Variants in LRRK2 observed in about 807,000 individuals in gnomAD.
The protein encoded by LRRK2 is leucine-rich repeat serine/threonine-protein kinase 2.
LRRK2 carries 203 observed loss-of-function variants against 302.6 expected under a neutral mutation model. That is an observed-to-expected ratio of 0.67 (90% CI 0.60 to 0.75). The LOEUF (loss-of-function observed/expected upper bound fraction) is 0.75, where lower values mean the gene tolerates loss of function less well. Among genes scored for constraint, LRRK2 ranks in the 30% least tolerant of loss-of-function variants. LRRK2 has a pLI of 0.00. For synonymous variants in LRRK2, 1,066 were observed against 1,031.9 expected, an observed-to-expected ratio of 1.03 and a Z score of -0.63; for missense variants, 2,830 against 2,951.0, an observed-to-expected ratio of 0.96 and a Z score of 0.95.
chr12:40,296,917 A>T (rs938579522), intron 23 of LRRK2, among the ~76,000 whole-genome samples: 4 of 151,692 alleles, frequency 2.6e-5, no homozygotes, highest in African/African-American at 9.7e-5. Flanking sequence ...TCACTTCATC[A>T]CTCTCTGCTT....
chr12:40,229,510 A>G (rs999567557), intron 2 of LRRK2, among the ~76,000 whole-genome samples: 1 of 152,152 alleles, frequency 6.6e-6, no homozygotes, highest in Admixed American at 6.5e-5. Context: ...CTATCTTTTC[A>G]CTGTGCTCCT....
At chr12:40,346,651 C>A in intron 41 of LRRK2, 102 bp from the exon 42 acceptor site, 1 of 1,073,064 alleles carries the variant, frequency 9.3e-7, no homozygotes, top group Non-Finnish European at 1.4e-6. Flanking sequence ...TAGAACATCT[C>A]TTCCTGACTC....
chr12:40,265,561 A>G (rs556078187), intron 14 of LRRK2, among the ~76,000 whole-genome samples: 1 of 152,304 alleles, frequency 6.6e-6, no homozygotes, highest in Admixed American at 6.5e-5. Context: ...ACTAGTAAGC[A>G]TATTCTAGGT....
In LRRK2 at chr12:40,225,194, C is replaced by A; in HGVS notation, c.63C>A (p.Val21=). ...AGGAAACTCTGAAGAAGTTGATAGT[C>A]AGGCTGAACAATGTCCAGGAAGGAA... is the stretch of plus-strand genomic sequence containing the variant. ...EDEETLKKLI[V]RLNNVQEGKQ... The change falls in exon 1 of 51, where the codon GTC becomes GTA. Residue 21 remains valine (V), a synonymous_variant. Transcript: ENST00000298910. 1 of 1,614,162 alleles carries A rather than the reference C, an allele frequency of 6.2e-7. No homozygotes were observed. Among genetic ancestry groups the A allele is most frequent in the Non-Finnish European group, 8.5e-7 (1 of 1,180,014 alleles).
chr12:40,332,730 A>T (rs1945746738), intron 39 of LRRK2, among the ~76,000 whole-genome samples: 1 of 152,144 alleles, frequency 6.6e-6, no homozygotes, highest in Admixed American at 6.6e-5. Flanking sequence ...TGTGAATCAA[A>T]TCTGACATAA....
chr12:40,239,587 C>G (rs1242471231), intron 5 of LRRK2, among the ~76,000 whole-genome samples: 1 of 152,134 alleles, frequency 6.6e-6, no homozygotes, highest in African/African-American at 2.4e-5. Flanking sequence ...AGGGTTATGA[C>G]TATAAATGTA....
chr12:40,240,343 C>T, intron 5 of LRRK2, 140 bp from the exon 6 acceptor site: 2 of 786,880 alleles, frequency 2.5e-6, no homozygotes, highest in Non-Finnish European at 4.1e-6. Flanking sequence ...GGAAGGGCTG[C>T]TTCACAGAAA....
intron 37 of LRRK2, 39 bp from the exon 38 acceptor site, chr12:40,323,121 A>G (rs17466423): frequency 1.3e-6 from 2 of 1,570,576 alleles, no homozygotes; most frequent in South Asian, 1.1e-5. Flanking sequence ...ATCTCCTTAA[A>G]TGTTGTTTTT....
intron 42 of LRRK2, among the ~76,000 whole-genome samples, chr12:40,348,163 T>C (rs1252357864): frequency 1.3e-5 from 2 of 151,462 alleles, no homozygotes; most frequent in African/African-American, 2.4e-5. Flanking sequence ...TGAAAATCTG[T>C]TATTTTATTA....
Position 40,299,152 on chromosome 12 carries a change from C to T in LRRK2, c.3391C>T (p.Leu1131=), listed in dbSNP as rs1236580747. 6.2e-7 allele frequency: 1 copy of T among 1,613,136 alleles called. No individual in the cohort carries two copies. The highest frequency in any genetic ancestry group is 2.2e-5 in the East Asian group (1 of 44,812). ...GICSPLRLKE[L]KILNLSKNHI... ...ATGCTCCCCCTTGAGACTGAAGGAA[C>T]TGAAGATTTTAAACCTTAGTAAGAA... Residue 1131 remains leucine (L), a synonymous_variant, in exon 25 of 51, where the codon CTG becomes TTG. Coordinates refer to ENST00000298910, the MANE Select transcript of LRRK2 (RefSeq NM_198578.4).
At position 40,266,703 on chromosome 12, in the gene LRRK2, C is replaced by G. The variant is rs1178384434; in HGVS notation, c.1656+2802C>G. Among the ~76,000 whole-genome samples, 6 of 152,180 alleles carry G rather than the reference C, an allele frequency of 3.9e-5. No individual in the cohort carries two copies. The South Asian group carries it at 8.3e-4, about 21-fold the overall frequency. On this transcript the variant is annotated intron_variant, in intron 14 of 50. Transcript: ENST00000298910. The stretch of plus-strand genomic sequence containing the variant: ...TGCTGCTATAAAGACACTTGCACAC[C>G]TATGTTTATTGTGGCACTATTCACA...
chr12:40,322,622 A>G, intron 37 of LRRK2, 112 bp downstream of exon 37: 1 of 892,018 alleles, frequency 1.1e-6, no homozygotes, highest in South Asian at 1.5e-5. Flanking sequence ...GAAAAATAGT[A>G]TATTCAATTA....
intron 32 of LRRK2, among the ~76,000 whole-genome samples, chr12:40,314,515 T>C (rs1198561178): frequency 1.3e-5 from 2 of 152,080 alleles, no homozygotes; most frequent in African/African-American, 4.8e-5. Context: ...ATGAGTTTAG[T>C]GCATGTGAAA....
chr12:40,340,317 T>C lies in LRRK2; in HGVS notation c.5972T>C (p.Ile1991Thr). 2 of 1,613,882 alleles carry C rather than the reference T, an allele frequency of 1.2e-6. No homozygotes were observed. The highest frequency in any genetic ancestry group is 1.7e-6 in the Non-Finnish European group (2 of 1,179,786). The change falls in exon 41 of 51, where the codon ATA becomes ACA. Residue 1991 changes from isoleucine (I) to threonine (T), a missense_variant. Transcript: ENST00000298910. ...AGATACCTCCACTCAGCCATGATTA[T>C]ATACCGAGACCTGAAACCCCACAAT... ...GLRYLHSAMI[I>T]YRDLKPHNVL...
intron 20 of LRRK2, among the ~76,000 whole-genome samples, chr12:40,291,046 T>C (rs1246961299): frequency 1.3e-5 from 2 of 152,150 alleles, no homozygotes; most frequent in Non-Finnish European, 1.5e-5. Context: ...CCAACAATGA[T>C]AGACTGGATT....
intron 3 of LRRK2, among the ~76,000 whole-genome samples, chr12:40,235,001 T>G (rs1229846584): frequency 2.0e-5 from 3 of 152,170 alleles, no homozygotes; most frequent in Non-Finnish European, 4.4e-5. Flanking sequence ...AGTCCCCTGT[T>G]GATTTTTTTT....
chr12:40,264,629 A>G (rs965350769), intron 14 of LRRK2, among the ~76,000 whole-genome samples: 1 of 152,204 alleles, frequency 6.6e-6, no homozygotes, highest in East Asian at 1.9e-4. Flanking sequence ...CAAAACAAAA[A>G]CAAAAACAGA....
chr12:40,290,022 A>G (rs749811495), intron 20 of LRRK2, among the ~76,000 whole-genome samples: 1 of 151,982 alleles, frequency 6.6e-6, no homozygotes, highest in Non-Finnish European at 1.5e-5. Flanking sequence ...ACTTAGAGGA[A>G]AAACATACAG....
chr12:40,305,502 T>A (rs949937005), intron 27 of LRRK2, among the ~76,000 whole-genome samples: 7 of 152,166 alleles, frequency 4.6e-5, no homozygotes, highest in African/African-American at 1.7e-4. Context: ...ACTTTCAATG[T>A]CTTGAAGAGA....
Sources: allele counts gnomAD v4.1 joint callset (sites outside exome capture counted in the v4.1 genomes callset), GRCh38; gene constraint gnomAD v4.1.1; transcripts MANE v1.5; gene names NCBI Gene and HGNC (gene_info 2026-07-23, HGNC 2026-07-21).